The following FOXP1 variants were observed in gnomAD, a reference collection of about 807,000 sequenced individuals.
The protein encoded by FOXP1 is forkhead box protein P1.
A neutral mutation model predicts 98.2 loss-of-function variants in FOXP1; 15 were observed. The observed-to-expected ratio is 0.15, with a 90% confidence interval of 0.10 to 0.24. The LOEUF (loss-of-function observed/expected upper bound fraction) is 0.24, where lower values mean the gene tolerates loss of function less well. Among genes scored for constraint, FOXP1 ranks in the 10% least tolerant of loss-of-function variants. FOXP1 has a pLI of 1.00. For missense variants in FOXP1, 633 were observed against 848.5 expected (o/e 0.75, Z 3.15); for synonymous variants, 371 against 314.5 (o/e 1.18, Z -1.90).
intron 13 of FOXP1, among the ~76,000 whole-genome samples, chr3:70,994,512 T>C (rs1305237098): frequency 6.6e-6 from 1 of 152,132 alleles, no homozygotes; most frequent in African/African-American, 2.4e-5. Context: ...CTTTCCACTG[T>C]CACCTTCCCC....
chr3:71,514,755 G>A (rs544859659), intron 2 of FOXP1, among the ~76,000 whole-genome samples: 7 of 152,326 alleles, frequency 4.6e-5, no homozygotes, highest in East Asian at 3.9e-4. Flanking sequence ...TGACCTGCAT[G>A]TGGAGCCGAC....
At position 71,493,485 on chromosome 3, in the gene FOXP1, G is replaced by A. The variant is rs1445121672; in HGVS notation, c.-227C>T. 1 of 152,196 alleles carries A rather than the reference G, an allele frequency of 6.6e-6. No homozygotes were observed. The highest frequency in any genetic ancestry group is 2.4e-5 in the African/African-American group (1 of 41,438). The allele number at this position is 152,196 out of a possible 1,614,324, so 9.4% of individuals were successfully genotyped here. ...ATGGCTGACAGCAAATCAGAGAAGG[G>A]ATCGAAGCCCTCACCATTGCCGAAA... On this transcript the variant is annotated 5_prime_UTR_variant, in exon 3 of 21. Transcript: ENST00000649528.
chr3:71,025,273 A>G (rs1043610414), intron 11 of FOXP1, among the ~76,000 whole-genome samples: 51 of 152,006 alleles, frequency 3.4e-4, no homozygotes, highest in African/African-American at 1.1e-3. Context: ...TGCTATTCCT[A>G]GAGTAGTGCT....
chr3:71,055,097 T>C (rs1240906136), intron 7 of FOXP1, among the ~76,000 whole-genome samples: 1 of 152,234 alleles, frequency 6.6e-6, no homozygotes, highest in Non-Finnish European at 1.5e-5. Flanking sequence ...TGTCTTAATA[T>C]GCAGTTTATC....
At chr3:70,978,949 G>T (rs1238110172) in intron 14 of FOXP1, among the ~76,000 whole-genome samples, 1 of 152,054 alleles carries the variant, frequency 6.6e-6, no homozygotes, top group Non-Finnish European at 1.5e-5. Flanking sequence ...GTTAGGAAAT[G>T]AATATTACTT....
At chr3:71,115,050 TTATA>T (rs2058252829) in intron 6 of FOXP1, among the ~76,000 whole-genome samples, 2 of 152,158 alleles carry the variant, frequency 1.3e-5, no homozygotes, top group Admixed American at 6.5e-5. Context: ...AAGGGAACTG[TTATA>T]TATTTTAAGT....
At chr3:71,565,564 G>C (rs758078989) in intron 2 of FOXP1, among the ~76,000 whole-genome samples, 1 of 152,132 alleles carries the variant, frequency 6.6e-6, no homozygotes, top group Admixed American at 6.5e-5. Flanking sequence ...TAAGTGCTCA[G>C]GCTAGAAAGA....
chr3:71,406,405 G>GTATGTGTATATATATATATATATATATA (rs2082336447), intron 3 of FOXP1, among the ~76,000 whole-genome samples: 3 of 105,942 alleles, frequency 2.8e-5, no homozygotes, highest in Non-Finnish European at 6.7e-5. Context: ...AACTGTATGT[G>GTATGTGTATATATATATATATATATATA]TATATATATA....
chr3:70,986,077 G>GGTC (rs1318395355), intron 14 of FOXP1, among the ~76,000 whole-genome samples: 1 of 152,110 alleles, frequency 6.6e-6, no homozygotes, highest in African/African-American at 2.4e-5. Flanking sequence ...TTTAGTAGGA[G>GGTC]GTCCCCTTCA....
At chr3:71,429,043 G>A (rs763072423) in intron 3 of FOXP1, among the ~76,000 whole-genome samples, 3 of 152,128 alleles carry the variant, frequency 2.0e-5, no homozygotes, top group Admixed American at 6.5e-5. Context: ...TGCTATTTCC[G>A]TTATTACAGC....
At chr3:71,170,857 C>T (rs567847280) in intron 6 of FOXP1, among the ~76,000 whole-genome samples, 1 of 152,318 alleles carries the variant, frequency 6.6e-6, no homozygotes, top group East Asian at 1.9e-4. Flanking sequence ...CGTCTCTTTC[C>T]TCTCTGAGCT....
At chr3:71,106,446 C>T (rs1323221569) in intron 7 of FOXP1, among the ~76,000 whole-genome samples, 2 of 152,138 alleles carry the variant, frequency 1.3e-5, no homozygotes, top group African/African-American at 2.4e-5. Flanking sequence ...AGCGATTCTC[C>T]TGCCTCAGCC....
rs140718310 is a variant in FOXP1, at chr3:71,223,627, G to A, written c.-11-25235C>T. The stretch of plus-strand genomic sequence containing the variant: ...GGAGAATGGCCTGAACCCAGGAGAC[G>A]GAGCTTGCAGTGAGTAGAGATTGCA... On this transcript the variant is annotated intron_variant, in intron 5 of 20. Transcript: ENST00000649528. Among the ~76,000 whole-genome samples, 577 of 151,204 alleles carry A rather than the reference G, an allele frequency of 3.8e-3. 1 individual carries two copies. In the Middle Eastern group the frequency reaches 0.051, roughly 13 times the overall value.
chr3:71,256,643 A>C (rs375072363), intron 5 of FOXP1, among the ~76,000 whole-genome samples: 6 of 152,130 alleles, frequency 3.9e-5, no homozygotes, highest in Admixed American at 3.3e-4. Context: ...CGGCCTCCCA[A>C]AGTGCTGGGA....
intron 4 of FOXP1, among the ~76,000 whole-genome samples, chr3:71,313,305 C>T (rs9847152): frequency 0.18 from 27,022 of 151,426 alleles, 2,557 homozygotes; most frequent in Non-Finnish European, 0.21. Context: ...ATGATCCGTC[C>T]GCCTCTGCCT....
chr3:71,293,759 A>G (rs987886050), intron 5 of FOXP1, among the ~76,000 whole-genome samples: 7 of 152,206 alleles, frequency 4.6e-5, no homozygotes, highest in Non-Finnish European at 1.0e-4. Flanking sequence ...ATTATGGCTA[A>G]CAATGTTTAA....
chr3:71,554,882 T>C (rs978250317), intron 2 of FOXP1, among the ~76,000 whole-genome samples: 1 of 152,164 alleles, frequency 6.6e-6, no homozygotes, highest in Non-Finnish European at 1.5e-5. Flanking sequence ...GTCCCCTGAT[T>C]TGTATATGCT....
chr3:71,371,432 TG>T (rs1441340967), intron 3 of FOXP1, among the ~76,000 whole-genome samples: 1 of 152,134 alleles, frequency 6.6e-6, no homozygotes, highest in East Asian at 1.9e-4. Flanking sequence ...CCAGTCCACG[TG>T]GTTTGTTCTC....
At chr3:71,296,648 T>C (rs866279432) in intron 5 of FOXP1, 1 of 152,282 alleles carries the variant, frequency 6.6e-6, no homozygotes, top group Admixed American at 6.5e-5. Context: ...TCACTTGGAA[T>C]AGGAATACTG....
Sources: allele counts gnomAD v4.1 joint callset (sites outside exome capture counted in the v4.1 genomes callset), GRCh38; gene constraint gnomAD v4.1.1; transcripts MANE v1.5; gene names NCBI Gene and HGNC (gene_info 2026-07-23, HGNC 2026-07-21).